Variants in VRK2 observed in about 807,000 individuals in gnomAD.
The protein encoded by VRK2 is VRK serine/threonine kinase 2.
VRK2 carries 60 observed loss-of-function variants against 57.6 expected under a neutral mutation model. The ratio of observed to expected loss-of-function variants is 1.04; its 90% CI spans 0.85 to 1.29. VRK2 has a LOEUF of 1.29. VRK2 is among the 50% of genes most tolerant of loss of function. The pLI is 0.00. For missense variants in VRK2, 705 were observed against 588.1 expected (o/e 1.20, Z -2.06); for synonymous variants, 231 against 199.2 (o/e 1.16, Z -1.35).
intron 2 of VRK2, among the ~76,000 whole-genome samples, chr2:58,065,782 A>T (rs1249516054): frequency 6.6e-6 from 1 of 152,122 alleles, no homozygotes; most frequent in African/African-American, 2.4e-5. Context: ...GATTTCTTAT[A>T]TCAGCTTTTT....
chr2:57,935,471 CA>C (rs1207980580), intron 1 of VRK2, among the ~76,000 whole-genome samples: 1 of 152,114 alleles, frequency 6.6e-6, no homozygotes, highest in African/African-American at 2.4e-5. Context: ...AGGGTCAAAT[CA>C]TCTGTGTGAG....
chr2:58,117,127 A>G (rs1291082571), intron 7 of VRK2, among the ~76,000 whole-genome samples: 1 of 152,108 alleles, frequency 6.6e-6, no homozygotes, highest in Non-Finnish European at 1.5e-5. Flanking sequence ...TATATTGAGA[A>G]TAAGATGGCC....
intron 7 of VRK2, among the ~76,000 whole-genome samples, chr2:58,099,697 A>G (rs1188305274): frequency 6.6e-6 from 1 of 152,046 alleles, no homozygotes; most frequent in Non-Finnish European, 1.5e-5. Context: ...GAATGTTAGT[A>G]TACCTGTGTT....
rs781391500 is a variant in VRK2 at position 58,115,135 on chromosome 2, G to T, written c.544-7966G>T. On this transcript the variant is annotated intron_variant, in intron 7 of 12. Coordinates refer to ENST00000340157, the MANE Select transcript of VRK2 (RefSeq NM_006296.7). ...TCGTACTATAGCATAGCCTGCCTTT[G>T]CTGGTGTGTGGCGATTAGGCCTGGT... Among the ~76,000 whole-genome samples the T allele has an allele frequency of 1.7e-3, 257 of 152,262 alleles. 1 individual carries two copies. The highest frequency in any genetic ancestry group is 3.9e-3 in the East Asian group (20 of 5,156).
chr2:58,057,255 C>G (rs924372510), intron 2 of VRK2, among the ~76,000 whole-genome samples: 6 of 152,134 alleles, frequency 3.9e-5, no homozygotes, highest in African/African-American at 7.2e-5. Context: ...ATTCCATGCT[C>G]TATCCTATAT....
chr2:58,135,119 G>A (rs1277793335), intron 9 of VRK2, 22 bp from the exon 10 acceptor site: 3 of 1,613,118 alleles, frequency 1.9e-6, no homozygotes, highest in Middle Eastern at 1.7e-4. Flanking sequence ...TGTTCATTGT[G>A]CATTACCTTA....
intron 12 of VRK2, among the ~76,000 whole-genome samples, chr2:58,151,753 T>G (rs957768834): frequency 2.9e-4 from 36 of 123,554 alleles, no homozygotes; most frequent in African/African-American, 1.2e-3. Flanking sequence ...TTTTTTTTTT[T>G]TTTTTTTTTT....
Position 57,975,084 on chromosome 2 carries a change from T to C in VRK2, c.-438-50581T>C, listed in dbSNP as rs549181677. Among the ~76,000 whole-genome samples the C allele has an allele frequency of 4.9e-4, 75 of 152,130 alleles. 2 individuals carry two copies. The highest frequency in any genetic ancestry group is 1.8e-3 in the African/African-American group (74 of 41,556). On this transcript the variant is annotated intron_variant, in intron 1 of 15. Transcript: ENST00000417641. Reference sequence around the variant, plus strand: ...TTTATTATGTTTCATGAATTAGCTATAAAATTATTTCATCATATTTTAGAC... The same window carrying C: ...TTTATTATGTTTCATGAATTAGCTACAAAATTATTTCATCATATTTTAGAC...
intron 1 of VRK2, among the ~76,000 whole-genome samples, chr2:57,965,461 T>C (rs1372598187): frequency 6.6e-6 from 1 of 152,204 alleles, no homozygotes; most frequent in Non-Finnish European, 1.5e-5. Flanking sequence ...ACTGCAGCAC[T>C]GGAGAAGTAA....
intron 12 of VRK2, among the ~76,000 whole-genome samples, chr2:58,158,403 T>G (rs1039289489): frequency 6.6e-6 from 1 of 152,190 alleles, no homozygotes; most frequent in Non-Finnish European, 1.5e-5. Context: ...TTTTAAAACA[T>G]CCTTTGTTTT....
At chr2:58,026,193 A>T (rs2103684175) in intron 2 of VRK2, among the ~76,000 whole-genome samples, 1 of 152,174 alleles carries the variant, frequency 6.6e-6, no homozygotes, top group African/African-American at 2.4e-5. Context: ...GTCCCTTCTA[A>T]GAGAATAATA....
chr2:58,104,663 C>CT (rs1254484675), intron 7 of VRK2, among the ~76,000 whole-genome samples: 1 of 151,846 alleles, frequency 6.6e-6, no homozygotes, highest in Non-Finnish European at 1.5e-5. Flanking sequence ...AGTGCAATCT[C>CT]TATCCAAATA....
chr2:57,941,262 T>C (rs1040892608), intron 1 of VRK2, among the ~76,000 whole-genome samples: 12 of 152,138 alleles, frequency 7.9e-5, no homozygotes, highest in Non-Finnish European at 1.6e-4. Context: ...AGCTCCCAAA[T>C]TTCAGTGTTA....
At chr2:58,029,427 T>C (rs868432676) in intron 2 of VRK2, among the ~76,000 whole-genome samples, 7 of 152,154 alleles carry the variant, frequency 4.6e-5, no homozygotes, top group South Asian at 2.1e-4. Flanking sequence ...TGGTACCATC[T>C]TGCTTTGTGT....
chr2:58,046,953 T>G, intron 1 of VRK2, 85 bp downstream of exon 1: 3 of 985,496 alleles, frequency 3.0e-6, no homozygotes, highest in Non-Finnish European at 3.6e-6. Context: ...GGAAAAGGGC[T>G]GCCGTCGGAG....
intron 12 of VRK2, among the ~76,000 whole-genome samples, chr2:58,154,336 CT>C (rs549838495): frequency 2.4e-4 from 35 of 148,514 alleles, no homozygotes; most frequent in Admixed American, 1.0e-3. Context: ...TTTTTTAATT[CT>C]TTTTTTGACA....
chr2:58,022,140 T>A (rs1171233103), intron 1 of VRK2, among the ~76,000 whole-genome samples: 1 of 152,206 alleles, frequency 6.6e-6, no homozygotes, highest in African/African-American at 2.4e-5. Context: ...ATTATTGCAA[T>A]TATGTGATCT....
chr2:57,961,396 A>G (rs1558514140), intron 1 of VRK2, among the ~76,000 whole-genome samples: 1 of 152,198 alleles, frequency 6.6e-6, no homozygotes, highest in South Asian at 2.1e-4. Flanking sequence ...AAAAAGCGAG[A>G]ACAGGATGAT....
rs553785420 is a variant in VRK2 at position 58,032,557 on chromosome 2, A to G, written c.-332-670A>G. Among the ~76,000 whole-genome samples, 3 of 152,126 alleles carry G rather than the reference A, an allele frequency of 2.0e-5. No individual in the cohort carries two copies. The South Asian group carries it at 6.2e-4, about 32-fold the overall frequency. Reference sequence around the variant, plus strand: ...ACTGCAGTTCTCTGGGTGGCCTTGGACTGACGCAGTTCTCCATCCTTTCTC... The same window carrying G: ...ACTGCAGTTCTCTGGGTGGCCTTGGGCTGACGCAGTTCTCCATCCTTTCTC... On this transcript the variant is annotated intron_variant, in intron 2 of 15. Transcript: ENST00000417641.
Sources: gnomAD v4.1 joint callset for allele counts (sites outside exome capture counted in the v4.1 genomes callset) on GRCh38, gnomAD v4.1.1 for gene constraint, MANE v1.5 for transcripts, NCBI Gene and HGNC (gene_info 2026-07-23, HGNC 2026-07-21) for gene names.